Variants in MACF1 observed in about 807,000 individuals in gnomAD.
MACF1 encodes microtubule-actin cross-linking factor 1.
Under a neutral mutation model 854.8 loss-of-function variants are expected in MACF1, and 193 were observed. That is an observed-to-expected ratio of 0.23 (90% confidence interval 0.20 to 0.25). MACF1 has a LOEUF of 0.25. Ranked by LOEUF, MACF1 falls within the 10% of genes least tolerant of loss-of-function variation. MACF1 has a pLI of 1.00. For synonymous variants in MACF1, 3,185 were observed against 3,226.7 expected (o/e 0.99, Z 0.44); for missense variants, 7,722 against 8,929.1 (o/e 0.86, Z 5.45).
At chr1:39,111,603 G>T (rs1217414279) in intron 2 of MACF1, among the ~76,000 whole-genome samples, 1 of 151,950 alleles carries the variant, frequency 6.6e-6, no homozygotes, top group Admixed American at 6.6e-5. Context: ...GGATGGTCTC[G>T]ATCTTCTGAC....
rs747091734 is a variant in MACF1 at position 39,257,923 on chromosome 1, A to T, written c.436-13A>T. 6.2e-7 allele frequency: 1 copy of T among 1,602,690 alleles called. No individual in the cohort carries two copies. Among genetic ancestry groups the T allele is most frequent in the Non-Finnish European group, 8.5e-7 (1 of 1,170,052 alleles). ...TCCTAGAGCTCTGAGCCGTGCTTTT[A>T]TTTCTTTTTCAGGTGAAACTAGTGA... On this transcript the variant is annotated splice_polypyrimidine_tract_variant and intron_variant, in intron 5 of 100. Coordinates refer to ENST00000564288, the MANE Select transcript of MACF1 (RefSeq NM_001394062.1).
At chr1:39,434,339 T>G (rs540257914) in intron 68 of MACF1, 75 bp from the exon 69 acceptor site, 1 of 759,804 alleles carries the variant, frequency 1.3e-6, no homozygotes, top group East Asian at 2.7e-5. Flanking sequence ...TTTTAATGTA[T>G]ATATACCTAC....
At chr1:39,128,440 C>A (rs1199107631) in intron 2 of MACF1, among the ~76,000 whole-genome samples, 1 of 152,094 alleles carries the variant, frequency 6.6e-6, no homozygotes, top group African/African-American at 2.4e-5. Flanking sequence ...CGGTGGCTCA[C>A]GCCTGTAATC....
chr1:39,449,468 G>A (rs1024167778), intron 84 of MACF1, among the ~76,000 whole-genome samples: 8 of 150,984 alleles, frequency 5.3e-5, no homozygotes, highest in Admixed American at 1.3e-4. Flanking sequence ...GCGCGATCTC[G>A]GCTCACTGCA....
rs56202498 is a variant in MACF1 at position 39,355,460 on chromosome 1, CTTTTTTTTTTT to C, written c.11425-1900_11425-1890del. On this transcript the variant is annotated intron_variant, in intron 44 of 100. Transcript: ENST00000564288. ...ATTCCAGCTTTCTTTTTTTCTTCTG[CTTTTTTTTTTT>C]TTTTTTTTTTTTTTGAGACGGAGTC... Among the ~76,000 whole-genome samples the C allele has an allele frequency of 7.0e-4, 57 of 81,070 alleles. No individual in the cohort carries two copies. In the East Asian group the frequency reaches 0.019, roughly 26 times the overall value. 53.2% of individuals were successfully genotyped at this position (81,070 alleles called of 152,430 possible). A position where few individuals can be genotyped will look rare whatever the true frequency, so the allele number is the denominator to read the frequency against.
intron 2 of MACF1, among the ~76,000 whole-genome samples, chr1:39,098,358 G>T (rs1022025238): frequency 1.4e-4 from 22 of 152,208 alleles, no homozygotes; most frequent in Admixed American, 1.4e-3. Flanking sequence ...CTTGCTCAAG[G>T]TCTCCCAGCC....
chr1:39,314,669 G>C (rs1466891775), intron 26 of MACF1, among the ~76,000 whole-genome samples: 1 of 150,014 alleles, frequency 6.7e-6, no homozygotes, highest in Non-Finnish European at 1.5e-5. Context: ...GATTATTCTA[G>C]CCTCTTTCCA....
chr1:39,230,177 T>C (rs1277244692), intron 1 of MACF1, among the ~76,000 whole-genome samples: 1 of 152,070 alleles, frequency 6.6e-6, no homozygotes, highest in Non-Finnish European at 1.5e-5. Flanking sequence ...ATAGGTATGT[T>C]TGGGGAAGGA....
intron 41 of MACF1, 76 bp downstream of exon 41, chr1:39,347,286 T>C: frequency 9.2e-7 from 1 of 1,092,236 alleles, no homozygotes; most frequent in Non-Finnish European, 1.4e-6. Context: ...GGCCAGACTC[T>C]GTGTATCATG....
chr1:39,428,239 A>T lies in MACF1; in HGVS notation c.16755A>T (p.Val5585=). ...EVEDKLSSVF[V]KDFKQDVLHR... is the part of the protein sequence containing the mutation. ...AGGACAAGCTCAGTTCAGTGTTCGT[A>T]AAGGATTTCAAACAGGATGTCCTGC... The change falls in exon 63 of 101, where the codon GTA becomes GTT. Residue 5585 remains valine, a synonymous_variant. Coordinates refer to ENST00000564288, the MANE Select transcript of MACF1 (RefSeq NM_001394062.1). 6.2e-7 allele frequency: 1 copy of T among 1,613,868 alleles called. No homozygotes were observed. The highest frequency in any genetic ancestry group is 2.2e-5 in the East Asian group (1 of 44,892).
chr1:39,393,645 T>TA (rs1642146035), intron 58 of MACF1, among the ~76,000 whole-genome samples: 1 of 151,568 alleles, frequency 6.6e-6, no homozygotes, highest in African/African-American at 2.4e-5. Flanking sequence ...GGCCCTTCTA[T>TA]AAAAAATAAA....
chr1:39,448,808 A>T, intron 84 of MACF1, 45 bp downstream of exon 84: 1 of 1,461,148 alleles, frequency 6.8e-7, no homozygotes, highest in East Asian at 2.3e-5. Context: ...GGATCCCAAA[A>T]GCAAGAGGTT....
intron 55 of MACF1, 25 bp from the exon 56 acceptor site, chr1:39,381,928 A>ACATT: frequency 6.4e-7 from 1 of 1,560,866 alleles, no homozygotes; most frequent in Non-Finnish European, 8.8e-7. Flanking sequence ...GTAAAGGAAT[A>ACATT]CATTCCCTCA....
intron 22 of MACF1, 112 bp downstream of exon 22, chr1:39,300,474 G>A: frequency 2.1e-5 from 22 of 1,062,976 alleles, no homozygotes; most frequent in South Asian, 8.2e-5. Context: ...TTTAAAATTA[G>A]AATTTAAACA....
chr1:39,351,926 A>G (rs919434328), intron 43 of MACF1, among the ~76,000 whole-genome samples: 1 of 152,220 alleles, frequency 6.6e-6, no homozygotes, highest in South Asian at 2.1e-4. Context: ...CTGGTGATCT[A>G]AGAGTACTAG....
chr1:39,131,262 A>G (rs1485340627), intron 2 of MACF1, among the ~76,000 whole-genome samples: 2 of 145,194 alleles, frequency 1.4e-5, no homozygotes, highest in Non-Finnish European at 3.0e-5. Flanking sequence ...CTCCTGGGCT[A>G]AAGCGATCCT....
rs1644525002 is a variant in MACF1 at position 39,460,134 on chromosome 1, T to C, written c.21361-498T>C. ...CAAAGAAACATGCTTGGATACAACA[T>C]TGGGTTCCCAATGCTTCCATCCAGA... On this transcript the variant is annotated intron_variant, in intron 91 of 100. Transcript: ENST00000564288. This position sits in a 1 kb window ranked among gnomAD's most constrained non-coding sequence, Gnocchi z 4.1. 6.6e-6 allele frequency among the ~76,000 whole-genome samples: 1 copy of C among 152,232 alleles called. No individual in the cohort carries two copies. Among genetic ancestry groups the C allele is most frequent in the African/African-American group, 2.4e-5 (1 of 41,468 alleles).
At chr1:39,410,571 A>G in intron 58 of MACF1, 1 of 1,614,070 alleles carries the variant, frequency 6.2e-7, no homozygotes, top group Non-Finnish European at 8.5e-7. Flanking sequence ...TTGATGCACT[A>G]AAGCTAAGCA....
At chr1:39,304,712 C>T (rs1277702606) in intron 23 of MACF1, among the ~76,000 whole-genome samples, 4 of 151,546 alleles carry the variant, frequency 2.6e-5, no homozygotes, top group Non-Finnish European at 4.4e-5. Context: ...TACAGGCGCC[C>T]GTCACCATGC....
Sources: allele counts gnomAD v4.1 joint callset (sites outside exome capture counted in the v4.1 genomes callset), GRCh38; gene constraint gnomAD v4.1.1; non-coding constraint Gnocchi (gnomAD v3.1); transcripts MANE v1.5; gene names NCBI Gene and HGNC (gene_info 2026-07-23, HGNC 2026-07-21).